Variants in KCNH5 observed in about 807,000 individuals in gnomAD.
KCNH5 encodes the protein potassium voltage-gated channel subfamily H member 5, also known as voltage-gated delayed rectifier potassium channel KCNH5.
A neutral mutation model predicts 96.1 loss-of-function variants in KCNH5; 46 were observed. That is an observed-to-expected ratio of 0.48 (90% confidence interval 0.38 to 0.61). The LOEUF (loss-of-function observed/expected upper bound fraction) is 0.61. KCNH5 is among the 20% of genes least tolerant of loss of function. The probability of loss-of-function intolerance (pLI) is 0.00; values close to 1 mark genes in which losing one functional copy is unlikely to be tolerated. For missense variants in KCNH5, 907 were observed against 1,225.8 expected (o/e 0.74, Z 3.88); for synonymous variants, 439 against 449.8 (o/e 0.98, Z 0.30).
At chr14:62,965,558 T>C (rs754683745) in intron 6 of KCNH5, among the ~76,000 whole-genome samples, 8 of 152,144 alleles carry the variant, frequency 5.3e-5, no homozygotes, top group Non-Finnish European at 8.8e-5. Context: ...GTGAGCTAAA[T>C]AGGCTTCTTT....
intron 4 of KCNH5, among the ~76,000 whole-genome samples, chr14:62,987,932 ACTTCCAT>A (rs1289153306): frequency 1.3e-5 from 2 of 152,160 alleles, no homozygotes; most frequent in African/African-American, 4.8e-5. Flanking sequence ...CATTTCACAC[ACTTCCAT>A]CTTCCTTGTA....
intron 10 of KCNH5, among the ~76,000 whole-genome samples, chr14:62,750,358 A>C (rs1270922756): frequency 1.3e-5 from 2 of 152,210 alleles, no homozygotes; most frequent in African/African-American, 4.8e-5. Context: ...ACCTGATATT[A>C]ACAGTTTGCT....
intron 7 of KCNH5, among the ~76,000 whole-genome samples, chr14:62,902,818 C>T (rs1421311218): frequency 2.0e-5 from 3 of 151,558 alleles, no homozygotes; most frequent in Non-Finnish European, 1.5e-5. Context: ...CTCCAGGGTT[C>T]AAGCGATTCT....
chr14:62,919,525 A>G (rs1482528696), intron 7 of KCNH5, among the ~76,000 whole-genome samples: 1 of 152,184 alleles, frequency 6.6e-6, no homozygotes, highest in Non-Finnish European at 1.5e-5. Flanking sequence ...TCCACATCTT[A>G]CTAGCTGGGT....
At chr14:63,013,171 C>G (rs1183035200) in intron 2 of KCNH5, among the ~76,000 whole-genome samples, 1 of 151,876 alleles carries the variant, frequency 6.6e-6, no homozygotes, top group African/African-American at 2.4e-5. Flanking sequence ...ATATTAGCCT[C>G]TTGATATTAT....
chr14:62,967,253 T>C (rs529072221), intron 6 of KCNH5, among the ~76,000 whole-genome samples: 5 of 152,046 alleles, frequency 3.3e-5, no homozygotes, highest in Non-Finnish European at 5.9e-5. Flanking sequence ...GGAATTTTTT[T>C]TTCCTTTTTG....
chr14:63,014,920 C>T (rs1033647508), intron 2 of KCNH5, among the ~76,000 whole-genome samples: 1 of 152,022 alleles, frequency 6.6e-6, no homozygotes, highest in Admixed American at 6.6e-5. Flanking sequence ...CACAGGATAA[C>T]GTCTACCATG....
intron 6 of KCNH5, among the ~76,000 whole-genome samples, chr14:62,957,083 C>T (rs1404865440): frequency 6.6e-6 from 1 of 152,158 alleles, no homozygotes; most frequent in Non-Finnish European, 1.5e-5. Context: ...CAGCCATCAG[C>T]CTTCCACCTT....
chr14:62,912,106 C>T lies in KCNH5; in HGVS notation c.1369+38027G>A, dbSNP rs189615891. Reference sequence around the variant, plus strand: ...CTGTTATACTACTTACAAAATATGACTCAAGATTATTTTTACCTAAGCCTG... The same window carrying T: ...CTGTTATACTACTTACAAAATATGATTCAAGATTATTTTTACCTAAGCCTG... On this transcript the variant is annotated intron_variant, in intron 7 of 10. Transcript: ENST00000322893. Among the ~76,000 whole-genome samples, 566 of 149,564 alleles carry T rather than the reference C, an allele frequency of 3.8e-3. 1 individual carries two copies. The highest frequency in any genetic ancestry group is 5.4e-3 in the Non-Finnish European group (365 of 67,560).
intron 7 of KCNH5, among the ~76,000 whole-genome samples, chr14:62,883,507 TG>T (rs1888533971): frequency 6.6e-6 from 1 of 152,124 alleles, no homozygotes; most frequent in South Asian, 2.1e-4. Context: ...AAAATCAGGA[TG>T]CTGGCAATCT....
At chr14:62,915,847 C>A (rs1014184741) in intron 7 of KCNH5, among the ~76,000 whole-genome samples, 5 of 152,124 alleles carry the variant, frequency 3.3e-5, no homozygotes, top group Admixed American at 6.6e-5. Flanking sequence ...GGTGTCATAA[C>A]CCCCACGTGA....
At chr14:62,949,784 A>G (rs1294586540) in intron 7 of KCNH5, 2 of 205,844 alleles carry the variant, frequency 9.7e-6, no homozygotes, top group African/African-American at 4.9e-5. Flanking sequence ...AATATATTTC[A>G]CATCAGATCC....
At chr14:62,724,377 T>G (rs1005030185) in intron 10 of KCNH5, among the ~76,000 whole-genome samples, 10 of 152,200 alleles carry the variant, frequency 6.6e-5, no homozygotes, top group African/African-American at 2.2e-4. Flanking sequence ...GCTCTATCTA[T>G]CTTTGAATAT....
At chr14:62,714,457 T>C (rs1223953897) in intron 10 of KCNH5, among the ~76,000 whole-genome samples, 1 of 152,186 alleles carries the variant, frequency 6.6e-6, no homozygotes, top group African/African-American at 2.4e-5. Flanking sequence ...ACTTTGGCCA[T>C]TGAAAGAATC....
intron 7 of KCNH5, among the ~76,000 whole-genome samples, chr14:62,881,081 T>G (rs1217349710): frequency 3.3e-5 from 5 of 152,212 alleles, no homozygotes; most frequent in African/African-American, 1.2e-4. Flanking sequence ...TGGAAACATC[T>G]TTAAGCCTTC....
intron 10 of KCNH5, among the ~76,000 whole-genome samples, chr14:62,709,228 T>A (rs148185147): frequency 0.064 from 2,551 of 39,834 alleles, 91 homozygotes; most frequent in African/African-American, 0.14. Context: ...ACGAGACTCC[T>A]TCTCAAAAAA....
At chr14:62,742,676 C>A (rs907468142) in intron 10 of KCNH5, among the ~76,000 whole-genome samples, 11 of 152,164 alleles carry the variant, frequency 7.2e-5, no homozygotes, top group East Asian at 5.8e-4. Context: ...AAAGATTATA[C>A]AATCTCCAGT....
In KCNH5 at chr14:62,700,367, TTTA is replaced by T. The variant is rs1884329207; in HGVS notation, c.*7138_*7140del. 6.6e-6 allele frequency: 1 copy of T among 152,206 alleles called. No individual in the cohort carries two copies. The highest frequency in any genetic ancestry group is 1.5e-5 in the Non-Finnish European group (1 of 68,028). The allele number at this position is 152,206 out of a possible 1,614,324, so 9.4% of individuals were successfully genotyped here. A position where few individuals can be genotyped will look rare whatever the true frequency, so the allele number is the denominator to read the frequency against. ...ATATGAAATGCATATTCCCCCTTGC[TTTA>T]TTAACTGTGAACAGGTTCTAAGGTG... On this transcript the variant is annotated 3_prime_UTR_variant, in exon 11 of 11. Coordinates refer to ENST00000322893, the MANE Select transcript of KCNH5 (RefSeq NM_139318.5).
intron 1 of KCNH5, among the ~76,000 whole-genome samples, chr14:63,034,870 T>G (rs766061770): frequency 6.6e-6 from 1 of 152,222 alleles, no homozygotes; most frequent in Non-Finnish European, 1.5e-5. Context: ...TGTTTAACAA[T>G]TCAATGTTTC....
Sources: allele counts gnomAD v4.1 joint callset (sites outside exome capture counted in the v4.1 genomes callset), GRCh38; gene constraint gnomAD v4.1.1; transcripts MANE v1.5; gene names NCBI Gene and HGNC (gene_info 2026-07-23, HGNC 2026-07-21).